Variants in NTAQ1 observed in about 807,000 individuals in gnomAD.
NTAQ1 encodes N-terminal glutamine amidase 1, also known as protein N-terminal glutamine amidohydrolase.
A neutral mutation model predicts 28.2 loss-of-function variants in NTAQ1; 21 were observed. The ratio of observed to expected loss-of-function variants is 0.74; its 90% CI spans 0.53 to 1.07. NTAQ1 has a LOEUF of 1.07. NTAQ1 is among the 50% of genes least tolerant of loss of function. NTAQ1 has a pLI of 0.00. For missense variants in NTAQ1, 264 were observed against 256.6 expected, an observed-to-expected ratio of 1.03 and a Z score of -0.20; for synonymous variants, 105 against 90.0, an observed-to-expected ratio of 1.17 and a Z score of -0.94.
At chr8:123,437,100 A>G in intron 4 of NTAQ1, 110 bp from the exon 5 acceptor site, 1 of 1,405,766 alleles carries the variant, frequency 7.1e-7, no homozygotes, top group Non-Finnish European at 9.7e-7. Flanking sequence ...CCATACAGAA[A>G]TGCATGAGTA....
At chr8:123,462,618 C>G (rs1263274310) in intron 6 of NTAQ1, among the ~76,000 whole-genome samples, 2 of 152,210 alleles carry the variant, frequency 1.3e-5, no homozygotes, top group African/African-American at 4.8e-5. Flanking sequence ...ATTTAATCCT[C>G]TTTGATATGA....
chr8:123,418,875 C>T (rs868863157), intron 1 of NTAQ1, among the ~76,000 whole-genome samples: 2 of 152,134 alleles, frequency 1.3e-5, no homozygotes, highest in African/African-American at 4.8e-5. Context: ...TATTGCAGGA[C>T]GTGTAGCAGC....
intron 6 of NTAQ1, among the ~76,000 whole-genome samples, chr8:123,447,858 T>G (rs1025930168): frequency 8.5e-5 from 13 of 152,240 alleles, no homozygotes; most frequent in African/African-American, 2.9e-4. Context: ...TTGCTGTCCC[T>G]TGTTCTACAG....
intron 6 of NTAQ1, among the ~76,000 whole-genome samples, chr8:123,459,009 C>T (rs976252763): frequency 1.3e-5 from 2 of 151,538 alleles, no homozygotes; most frequent in Non-Finnish European, 2.9e-5. Context: ...ACCCAGGGGG[C>T]GGAGGTTGCA....
chr8:123,419,773 T>TCCCTCCCTCCC (rs1554650365), intron 1 of NTAQ1, among the ~76,000 whole-genome samples: 1 of 94,114 alleles, frequency 1.1e-5, no homozygotes, highest in Non-Finnish European at 2.1e-5. Flanking sequence ...CCTTCCTTTC[T>TCCCTCCCTCCC]TCCCTCCCTC....
chr8:123,432,685 G>GT (rs944330118), intron 3 of NTAQ1, among the ~76,000 whole-genome samples: 1 of 24,446 alleles, frequency 4.1e-5, no homozygotes, highest in African/African-American at 1.7e-4. Flanking sequence ...TTTTATTTAT[G>GT]TATTTTTTTT....
downstream of NTAQ1, among the ~76,000 whole-genome samples, chr8:123,452,458 A>G (rs1289092774): frequency 1.3e-5 from 2 of 152,234 alleles, no homozygotes; most frequent in Non-Finnish European, 1.5e-5. Flanking sequence ...TTAGCTGGGC[A>G]TGATGGCAGA....
In NTAQ1 at chr8:123,418,920, C is replaced by T. The variant is rs569046981; in HGVS notation, c.83+1988C>T. 4.0e-4 allele frequency among the ~76,000 whole-genome samples: 61 copies of T among 152,252 alleles called. 2 individuals carry two copies. In the South Asian group the frequency reaches 0.013, roughly 32 times the overall value. On this transcript the variant is annotated intron_variant, in intron 1 of 5. Coordinates refer to ENST00000287387, the MANE Select transcript of NTAQ1 (RefSeq NM_018024.3). ...TTCTACCCACTAGATACTGTTAGCA[C>T]CCTAGCCCTAGTTATGACAACCAAA...
At chr8:123,418,742 T>C (rs1457136669) in intron 1 of NTAQ1, among the ~76,000 whole-genome samples, 3 of 152,158 alleles carry the variant, frequency 2.0e-5, no homozygotes, top group Non-Finnish European at 4.4e-5. Context: ...AACTGGAGTA[T>C]TGGAGTTAGA....
intron 3 of NTAQ1, 61 bp from the exon 4 acceptor site, chr8:123,436,392 G>T: frequency 1.3e-6 from 2 of 1,551,072 alleles, no homozygotes; most frequent in South Asian, 1.2e-5. Flanking sequence ...GTATGTGTCT[G>T]AATACTGGGA....
At chr8:123,468,146 CA>C (rs952307207) in exon 7 of NTAQ1, among the ~76,000 whole-genome samples, 1 of 152,200 alleles carries the variant, frequency 6.6e-6, no homozygotes, top group Non-Finnish European at 1.5e-5. Flanking sequence ...GCGTGGCCCC[CA>C]AAGGGGGTAG....
chr8:123,436,840 G>A (rs6470149), intron 4 of NTAQ1, among the ~76,000 whole-genome samples: 146,243 of 152,256 alleles, frequency 0.96, 70,267 homozygotes, highest in East Asian at 0.99. Context: ...TGAGATCTCA[G>A]ACATTTAATT....
At chr8:123,431,125 G>T (rs1814364403) in intron 3 of NTAQ1, among the ~76,000 whole-genome samples, 1 of 152,110 alleles carries the variant, frequency 6.6e-6, no homozygotes, top group Admixed American at 6.6e-5. Context: ...ATCACCTGAG[G>T]TCAGGAGTTC....
chr8:123,454,855 C>T (rs1586965814), intron 6 of NTAQ1: 1 of 152,308 alleles, frequency 6.6e-6, no homozygotes, highest in East Asian at 1.9e-4. Context: ...CATATGGACC[C>T]ATTTCTTTTG....
chr8:123,435,410 C>G (rs1051022405), intron 3 of NTAQ1: 55 of 952,242 alleles, frequency 5.8e-5, no homozygotes, highest in Non-Finnish European at 6.8e-5. Context: ...TGGTTCCAAA[C>G]TAGAAATTAA....
chr8:123,450,589 T>TG (rs1321211821), downstream of NTAQ1, among the ~76,000 whole-genome samples: 1 of 152,202 alleles, frequency 6.6e-6, no homozygotes, highest in Non-Finnish European at 1.5e-5. Flanking sequence ...CCACTGTCTC[T>TG]GAAGCAGGGC....
intron 1 of NTAQ1, among the ~76,000 whole-genome samples, chr8:123,423,325 T>C (rs2130167654): frequency 7.0e-6 from 1 of 143,810 alleles, no homozygotes; most frequent in South Asian, 2.1e-4. Flanking sequence ...CTTTTTTCTT[T>C]CTTTGTCTTT....
chr8:123,430,169 G>A (rs1814311123), intron 3 of NTAQ1, 136 bp downstream of exon 3: 1 of 528,268 alleles, frequency 1.9e-6, no homozygotes, highest in Admixed American at 3.5e-5. Context: ...GACCTTTTGA[G>A]AATAGATGTT....
At chr8:123,423,481 G>C (rs972712715) in intron 1 of NTAQ1, among the ~76,000 whole-genome samples, 2 of 141,198 alleles carry the variant, frequency 1.4e-5, no homozygotes, top group Non-Finnish European at 3.2e-5. Flanking sequence ...TTGCTACATT[G>C]CCTAGGCTGG....
Sources: allele counts gnomAD v4.1 joint callset (sites outside exome capture counted in the v4.1 genomes callset), GRCh38; gene constraint gnomAD v4.1.1; transcripts MANE v1.5; gene names NCBI Gene and HGNC (gene_info 2026-07-23, HGNC 2026-07-21).